CDH12: variants seen among roughly 807,000 people sequenced by gnomAD.
CDH12 encodes the protein cadherin-12.
A neutral mutation model predicts 74.1 loss-of-function variants in CDH12; 41 were observed. The ratio of observed to expected loss-of-function variants is 0.55; its 90% CI spans 0.43 to 0.72. The LOEUF is 0.72. Among genes scored for constraint, CDH12 ranks in the 30% least tolerant of loss-of-function variants. The pLI, the probability that CDH12 is intolerant of heterozygous loss-of-function variation, is 0.00. For missense variants in CDH12, 945 were observed against 977.2 expected (o/e 0.97, Z 0.44); for synonymous variants, 399 against 355.0 (o/e 1.12, Z -1.39).
chr5:22,230,473 A>ATTTTTTT (rs35066570), intron 3 of CDH12, among the ~76,000 whole-genome samples: 1 of 133,618 alleles, frequency 7.5e-6, no homozygotes, highest in Admixed American at 7.6e-5. Flanking sequence ...AGATGTCATA[A>ATTTTTTT]TTTTTTTTTT....
chr5:21,978,712 CTG>C (rs982868809), intron 5 of CDH12, among the ~76,000 whole-genome samples: 5 of 152,078 alleles, frequency 3.3e-5, no homozygotes, highest in African/African-American at 1.2e-4. Context: ...AATGGGCACT[CTG>C]TATTCCTTCA....
At position 22,270,607 on chromosome 5, in the gene CDH12, AT is replaced by A. The variant is rs1398724188; in HGVS notation, c.-332-57965del. Among the ~76,000 whole-genome samples, 696 of 95,574 alleles carry A rather than the reference AT, an allele frequency of 7.3e-3. 7 individuals are homozygous for A. Among genetic ancestry groups the A allele is most frequent in the African/African-American group, 0.026 (653 of 24,834 alleles). 62.7% of individuals were successfully genotyped at this position (95,574 alleles called of 152,430 possible). A position where few individuals can be genotyped will look rare whatever the true frequency, so the allele number is the denominator to read the frequency against. ...GAGACACCGTCTCAAAAAAAAAAAT[AT>A]ATATATATATATGTATACACACACA... On this transcript the variant is annotated intron_variant, in intron 3 of 14. Coordinates refer to ENST00000382254, the MANE Select transcript of CDH12 (RefSeq NM_004061.5).
chr5:22,776,256 G>T lies in CDH12; in HGVS notation c.-523+76802C>A, dbSNP rs548494180. Among the ~76,000 whole-genome samples the T allele has an allele frequency of 5.9e-4, 90 of 152,174 alleles. 2 individuals carry two copies. The Middle Eastern group carries it at 0.014, about 23-fold the overall frequency. On this transcript the variant is annotated intron_variant, in intron 1 of 14. Transcript: ENST00000382254. ...CACAAATAAACATAATAATTATAAA[G>T]CTCTGGGTACTCTACCACTTTACAT...
At chr5:22,290,063 G>C (rs1431643738) in intron 3 of CDH12, among the ~76,000 whole-genome samples, 1 of 152,100 alleles carries the variant, frequency 6.6e-6, no homozygotes, top group Admixed American at 6.5e-5. Context: ...TTGAGCCCTG[G>C]GCTTTTGAAA....
At position 22,416,219 on chromosome 5, in the gene CDH12, C is replaced by T. The variant is rs1198275184; in HGVS notation, c.-427-10868G>A. The stretch of plus-strand genomic sequence containing the variant: ...CCTCCCGAGTAGCTGGGACTACAGG[C>T]GCCCGCCACCACGCCCGGCTAATTT... On this transcript the variant is annotated intron_variant, in intron 2 of 14. Coordinates refer to ENST00000382254, the MANE Select transcript of CDH12 (RefSeq NM_004061.5). Among the ~76,000 whole-genome samples the T allele has an allele frequency of 5.3e-5, 8 of 150,674 alleles. No homozygotes were observed. The East Asian group carries it at 9.8e-4, about 19-fold the overall frequency.
At chr5:22,564,474 A>C (rs1739201593) in intron 1 of CDH12, among the ~76,000 whole-genome samples, 1 of 152,162 alleles carries the variant, frequency 6.6e-6, no homozygotes, top group South Asian at 2.1e-4. Flanking sequence ...GATATTACCA[A>C]ACATTATTAT....
chr5:22,807,228 A>C (rs1581019900), intron 1 of CDH12, among the ~76,000 whole-genome samples: 1 of 152,330 alleles, frequency 6.6e-6, no homozygotes, highest in Non-Finnish European at 1.5e-5. Context: ...TGCATATGGG[A>C]ATAATATTAT....
intron 1 of CDH12, among the ~76,000 whole-genome samples, chr5:22,657,312 A>C (rs181378765): frequency 3.8e-3 from 578 of 152,294 alleles, no homozygotes; most frequent in Non-Finnish European, 5.8e-3. Flanking sequence ...CTCTTGTCGC[A>C]ATCTGGAGGC....
chr5:22,010,467 G>A (rs1394701047), intron 5 of CDH12, among the ~76,000 whole-genome samples: 3 of 152,066 alleles, frequency 2.0e-5, no homozygotes, highest in Non-Finnish European at 4.4e-5. Context: ...TGAATGCCCC[G>A]CTTCACCCAA....
At chr5:22,001,410 G>C (rs1247199893) in intron 5 of CDH12, among the ~76,000 whole-genome samples, 1 of 152,140 alleles carries the variant, frequency 6.6e-6, no homozygotes, top group Non-Finnish European at 1.5e-5. Context: ...CTCAGAGCTA[G>C]AGTACACATG....
chr5:21,756,385 G>A (rs1056077594), intron 13 of CDH12, among the ~76,000 whole-genome samples: 3 of 151,896 alleles, frequency 2.0e-5, no homozygotes, highest in Non-Finnish European at 4.4e-5. Flanking sequence ...TAAGAAACAT[G>A]GAAAGGAAAA....
intron 6 of CDH12, among the ~76,000 whole-genome samples, chr5:21,923,780 C>A (rs1042744718): frequency 6.6e-6 from 1 of 152,160 alleles, no homozygotes; most frequent in Non-Finnish European, 1.5e-5. Context: ...TTAACCATTA[C>A]AATGTTTTTG....
chr5:21,818,994 G>A (rs1316354664), intron 8 of CDH12, among the ~76,000 whole-genome samples: 1 of 151,952 alleles, frequency 6.6e-6, no homozygotes, highest in Non-Finnish European at 1.5e-5. Flanking sequence ...CATAGTAGCT[G>A]TCATTTAGGG....
chr5:22,382,270 TTA>T (rs1357491717), intron 3 of CDH12, among the ~76,000 whole-genome samples: 1 of 147,062 alleles, frequency 6.8e-6, no homozygotes, highest in Non-Finnish European at 1.5e-5. Flanking sequence ...AGAATACATA[TTA>T]TATATAGTCT....
chr5:21,849,339 T>G (rs1055184993), intron 7 of CDH12, among the ~76,000 whole-genome samples: 1 of 151,742 alleles, frequency 6.6e-6, no homozygotes, highest in Non-Finnish European at 1.5e-5. Flanking sequence ...ATTTCTAAAA[T>G]AAAGCAAATG....
At chr5:21,933,649 T>C (rs1246735415) in intron 6 of CDH12, among the ~76,000 whole-genome samples, 1 of 152,060 alleles carries the variant, frequency 6.6e-6, no homozygotes, top group African/African-American at 2.4e-5. Flanking sequence ...TTAGCACAGG[T>C]GGAAAGAGAA....
intron 1 of CDH12, among the ~76,000 whole-genome samples, chr5:22,817,911 C>T (rs778621575): frequency 9.2e-5 from 14 of 152,056 alleles, no homozygotes; most frequent in Non-Finnish European, 1.9e-4. Flanking sequence ...TTATTTTAGG[C>T]ATGCCGTTAG....
At chr5:22,459,269 GAGTATA>G (rs1205640187) in intron 2 of CDH12, among the ~76,000 whole-genome samples, 1 of 151,912 alleles carries the variant, frequency 6.6e-6, no homozygotes, top group Non-Finnish European at 1.5e-5. Context: ...ATATTTAAAT[GAGTATA>G]AGTACCACTC....
intron 4 of CDH12, among the ~76,000 whole-genome samples, chr5:22,180,772 A>T (rs1486190218): frequency 6.6e-6 from 1 of 152,044 alleles, no homozygotes; most frequent in Non-Finnish European, 1.5e-5. Context: ...AAGTGCTGGG[A>T]TTATGGGCAT....
Sources: gnomAD v4.1 joint callset for allele counts (sites outside exome capture counted in the v4.1 genomes callset) on GRCh38, gnomAD v4.1.1 for gene constraint, MANE v1.5 for transcripts, NCBI Gene and HGNC (gene_info 2026-07-23, HGNC 2026-07-21) for gene names.